BRIP1: variants seen among roughly 807,000 people sequenced by gnomAD.
BRIP1 encodes Fanconi anemia group J protein.
Under a neutral mutation model 119.7 loss-of-function variants are expected in BRIP1, and 88 were observed. The observed-to-expected ratio is 0.74, with a 90% CI of 0.62 to 0.88. BRIP1 has a LOEUF of 0.88. BRIP1 is among the 40% of genes least tolerant of loss of function. The probability of loss-of-function intolerance (pLI) is 0.00; values close to 1 mark genes in which losing one functional copy is unlikely to be tolerated. For synonymous variants in BRIP1, 443 were observed against 496.5 expected (o/e 0.89, Z 1.43); for missense variants, 1,259 against 1,455.4 (o/e 0.87, Z 2.20).
chr17:61,786,761 T>TTATATATTATATATTTATATATAATATAG lies in BRIP1; in HGVS notation c.1474-2366_1474-2338dup, dbSNP rs1225752523. Among the ~76,000 whole-genome samples the TTATATATTATATATTTATATATAATATAG allele has an allele frequency of 2.9e-3, 386 of 135,110 alleles. 4 individuals are homozygous for TTATATATTATATATTTATATATAATATAG. The highest frequency in any genetic ancestry group is 7.6e-3 in the South Asian group (35 of 4,614). The allele number at this position is 135,110 out of a possible 152,430, so 88.6% of individuals were successfully genotyped here. On this transcript the variant is annotated intron_variant, in intron 10 of 19. Coordinates refer to ENST00000259008, the MANE Select transcript of BRIP1 (RefSeq NM_032043.3). ...GTGGGTTATTTCTATATTATATATT[T>TTATATATTATATATTTATATATAATATAG]TATATATTATATATTTATATATAAT... is the stretch of plus-strand genomic sequence containing the variant.
chr17:61,854,310 G>C (rs1490082558), intron 4 of BRIP1, among the ~76,000 whole-genome samples: 4 of 151,952 alleles, frequency 2.6e-5, no homozygotes, highest in African/African-American at 9.7e-5. Context: ...TAAAAGGACT[G>C]ACCATACCAA....
At chr17:61,785,150 G>A (rs1403059481) in intron 10 of BRIP1, among the ~76,000 whole-genome samples, 1 of 152,166 alleles carries the variant, frequency 6.6e-6, no homozygotes, top group Non-Finnish European at 1.5e-5. Flanking sequence ...TTAAAGAGTT[G>A]ATATGTTGCC....
At chr17:61,835,554 T>C (rs1189835901) in intron 6 of BRIP1, among the ~76,000 whole-genome samples, 1 of 151,882 alleles carries the variant, frequency 6.6e-6, no homozygotes, top group Non-Finnish European at 1.5e-5. Context: ...TCAAAAACTA[T>C]CAGAATACAA....
chr17:61,739,129 T>C lies in BRIP1; in HGVS notation c.2379+3884A>G. ...ATGTGGTCTAAAGAAGGGAAAAGGA[T>C]TCTTTCCACTTTAACAAAGCAGCCT... On this transcript the variant is annotated intron_variant, in intron 16 of 19. Transcript: ENST00000259008. This position sits in a 1 kb window ranked among gnomAD's most constrained non-coding sequence, Gnocchi z 6.0. The C allele has an allele frequency of 5.6e-6, 1 of 178,228 alleles. No individual in the cohort carries two copies. The allele number at this position is 178,228 out of a possible 1,614,324, so 11.0% of individuals were successfully genotyped here.
At chr17:61,723,120 C>T (rs2062009440) in intron 16 of BRIP1, among the ~76,000 whole-genome samples, 1 of 152,138 alleles carries the variant, frequency 6.6e-6, no homozygotes, top group Admixed American at 6.5e-5. Context: ...AAAGTGAGTA[C>T]ACCTCATTTT....
intron 6 of BRIP1, among the ~76,000 whole-genome samples, chr17:61,820,822 C>T (rs571654053): frequency 1.6e-4 from 25 of 152,082 alleles, no homozygotes. Context: ...TGGTGGCATG[C>T]ACCTGTAATC....
At chr17:61,782,388 G>GAAA (rs10661242) in intron 11 of BRIP1, among the ~76,000 whole-genome samples, 1,857 of 112,914 alleles carry the variant, frequency 0.016, 59 homozygotes, top group South Asian at 0.035. Context: ...TCCCGTCTCA[G>GAAA]AAAAAAAAAA....
At chr17:61,812,423 C>T (rs979614261) in intron 6 of BRIP1, among the ~76,000 whole-genome samples, 5 of 151,910 alleles carry the variant, frequency 3.3e-5, no homozygotes, top group East Asian at 1.9e-4. Flanking sequence ...AAAATCAATA[C>T]ATAAGACATG....
At position 61,776,393 on chromosome 17, in the gene BRIP1, T is replaced by G. The variant is rs730881642; in HGVS notation, c.2097+8A>C. 17 of 1,613,886 alleles carry G rather than the reference T, an allele frequency of 1.1e-5. No homozygotes were observed. Among genetic ancestry groups the G allele is most frequent in the Non-Finnish European group, 1.4e-5 (17 of 1,179,868 alleles). On this transcript the variant is annotated splice_region_variant and intron_variant, in intron 14 of 19. Transcript: ENST00000259008. This position sits in a 1 kb window ranked among gnomAD's most constrained non-coding sequence, Gnocchi z 5.0. Reference sequence around the variant, plus strand: ...TAAAGGCAAAAGAAACAATAAATATTCCCTTACCTTGTAAGATGGCAAGAA... The same window carrying G: ...TAAAGGCAAAAGAAACAATAAATATGCCCTTACCTTGTAAGATGGCAAGAA...
At position 61,742,920 on chromosome 17, in the gene BRIP1, G is replaced by T. The variant is rs2144672550; in HGVS notation, c.2379+93C>A. The T allele has an allele frequency of 6.6e-7, 1 of 1,513,578 alleles. No homozygotes were observed. The highest frequency in any genetic ancestry group is 9.2e-7 in the Non-Finnish European group (1 of 1,092,460). 93.8% of individuals were successfully genotyped at this position (1,513,578 alleles called of 1,614,324 possible). A position where few individuals can be genotyped will look rare whatever the true frequency, so the allele number is the denominator to read the frequency against. ...CAATTTGTAAAAAAGCACTATAAAA[G>T]CAAAGCGCAATAAAATGAGGGATCC... On this transcript the variant is annotated intron_variant, in intron 16 of 19. Transcript: ENST00000259008. This position sits in a 1 kb window ranked among gnomAD's most constrained non-coding sequence, Gnocchi z 4.7.
In BRIP1 at chr17:61,770,806, A is replaced by C. The variant is rs375877465; in HGVS notation, c.2097+5595T>G. On this transcript the variant is annotated intron_variant, in intron 14 of 19. Transcript: ENST00000259008. The surrounding 1 kb of genome is among the most constrained non-coding windows in gnomAD (Gnocchi z 4.7). Reference sequence around the variant, plus strand: ...TAAAGTGACACATTAGAAAAATTTAAATGGCACACTAGAAAATATCTATCT... The same window carrying C: ...TAAAGTGACACATTAGAAAAATTTACATGGCACACTAGAAAATATCTATCT... Among the ~76,000 whole-genome samples the C allele has an allele frequency of 6.6e-6, 1 of 152,180 alleles. No homozygotes were observed.
intron 16 of BRIP1, among the ~76,000 whole-genome samples, chr17:61,728,639 CAGTA>C (rs1477824550): frequency 6.6e-6 from 1 of 152,134 alleles, no homozygotes; most frequent in Non-Finnish European, 1.5e-5. Context: ...AAAGATGAAA[CAGTA>C]AGCAAGAAAC....
Position 61,744,284 on chromosome 17 carries a change from T to C in BRIP1, c.2257+148A>G. Reference sequence around the variant, plus strand: ...AGGAGAACAAGTACAATTAAAAGAATTTCTTTACCCAATTTATTTTCTTTT... The same window carrying C: ...AGGAGAACAAGTACAATTAAAAGAACTTCTTTACCCAATTTATTTTCTTTT... On this transcript the variant is annotated intron_variant, in intron 15 of 19. Transcript: ENST00000259008. The surrounding 1 kb of genome is among the most constrained non-coding windows in gnomAD (Gnocchi z 5.0). The C allele has an allele frequency of 1.1e-6, 1 of 892,056 alleles. No individual in the cohort carries two copies. Among genetic ancestry groups the C allele is most frequent in the Non-Finnish European group, 1.7e-6 (1 of 594,418 alleles). The allele number at this position is 892,056 out of a possible 1,614,324, so 55.3% of individuals were successfully genotyped here. A position where few individuals can be genotyped will look rare whatever the true frequency, so the allele number is the denominator to read the frequency against.
rs148923786 is a variant in BRIP1 at position 61,756,891 on chromosome 17, A to G, written c.2098-12300T>C. Among the ~76,000 whole-genome samples the G allele has an allele frequency of 2.8e-3, 434 of 152,292 alleles. 2 individuals carry two copies. Among genetic ancestry groups the G allele is most frequent in the African/African-American group, 0.01 (417 of 41,566 alleles). On this transcript the variant is annotated intron_variant, in intron 14 of 19. Coordinates refer to ENST00000259008, the MANE Select transcript of BRIP1 (RefSeq NM_032043.3). The surrounding 1 kb of genome is among the most constrained non-coding windows in gnomAD (Gnocchi z 4.3). ...AACTTTATAATATTGCCATTTACTC[A>G]CTTTAATAGCCAGTACTCAAGTCTT...
rs138483809 is a variant in BRIP1, at chr17:61,828,171, T to A, written c.627+18930A>T. Reference sequence around the variant, plus strand: ...AACAACCCAGATGTCCACTGGCAGATGAACGGACAAACAAAATGTGGTATA... The same window carrying A: ...AACAACCCAGATGTCCACTGGCAGAAGAACGGACAAACAAAATGTGGTATA... On this transcript the variant is annotated intron_variant, in intron 6 of 19. Transcript: ENST00000259008. This position sits in a 1 kb window ranked among gnomAD's most constrained non-coding sequence, Gnocchi z 4.1. Among the ~76,000 whole-genome samples, 624 of 152,310 alleles carry A rather than the reference T, an allele frequency of 4.1e-3. 5 individuals carry two copies. Among genetic ancestry groups the A allele is most frequent in the African/African-American group, 0.015 (603 of 41,568 alleles).
At chr17:61,733,392 A>G (rs896048054) in intron 16 of BRIP1, among the ~76,000 whole-genome samples, 1 of 152,092 alleles carries the variant, frequency 6.6e-6, no homozygotes, top group African/African-American at 2.4e-5. Flanking sequence ...CCATCATCTG[A>G]TAATATTTTG....
chr17:61,863,424 G>C lies in BRIP1; in HGVS notation c.-171C>G, dbSNP rs2078997817. On this transcript the variant is annotated 5_prime_UTR_variant, in exon 1 of 20. Transcript: ENST00000259008. ...AGCCCTTCCTCCTCCCTCTTCCTGGGGGTGCTGCTACTTCCCCGGCCTTGT... is the reference window on the plus strand; with the variant it reads ...AGCCCTTCCTCCTCCCTCTTCCTGGCGGTGCTGCTACTTCCCCGGCCTTGT... 6.6e-6 allele frequency: 1 copy of C among 152,256 alleles called. No individual in the cohort carries two copies. The highest frequency in any genetic ancestry group is 6.5e-5 in the Admixed American group (1 of 15,276). 9.4% of individuals were successfully genotyped at this position (152,256 alleles called of 1,614,324 possible). A position where few individuals can be genotyped will look rare whatever the true frequency, so the allele number is the denominator to read the frequency against.
rs183913664 is a variant in BRIP1 at position 61,764,272 on chromosome 17, C to T, written c.2097+12129G>A. Among the ~76,000 whole-genome samples the T allele has an allele frequency of 9.3e-4, 141 of 152,292 alleles. 1 individual carries two copies. In the South Asian group the frequency reaches 0.01, roughly 11 times the overall value. On this transcript the variant is annotated intron_variant, in intron 14 of 19. Coordinates refer to ENST00000259008, the MANE Select transcript of BRIP1 (RefSeq NM_032043.3). ...AGAGCTGATGTGGAAAAGAGAAAGACAAGACATAAACATTGCACAGCCCAG... is the reference window on the plus strand; with the variant it reads ...AGAGCTGATGTGGAAAAGAGAAAGATAAGACATAAACATTGCACAGCCCAG...
rs957482199 is a variant in BRIP1, at chr17:61,806,989, A to G, written c.918+1478T>C. 6.6e-6 allele frequency among the ~76,000 whole-genome samples: 1 copy of G among 152,230 alleles called. No individual in the cohort carries two copies. The highest frequency in any genetic ancestry group is 1.5e-5 in the Non-Finnish European group (1 of 68,040). On this transcript the variant is annotated intron_variant, in intron 7 of 19. Transcript: ENST00000259008. This position sits in a 1 kb window ranked among gnomAD's most constrained non-coding sequence, Gnocchi z 4.9. ...ATTACAGGCATGAACCATCAGGCCC[A>G]GCCAATGTATTTTTTACAAATACAT...
Sources: allele counts gnomAD v4.1 joint callset (sites outside exome capture counted in the v4.1 genomes callset), GRCh38; gene constraint gnomAD v4.1.1; non-coding constraint Gnocchi (gnomAD v3.1); transcripts MANE v1.5; gene names NCBI Gene and HGNC (gene_info 2026-07-23, HGNC 2026-07-21).